CAMTA1: variants seen among roughly 807,000 people sequenced by gnomAD.
CAMTA1 encodes the protein calmodulin binding transcription activator 1.
A neutral mutation model predicts 170.9 loss-of-function variants in CAMTA1; 27 were observed. The observed-to-expected ratio is 0.16, with a 90% CI of 0.12 to 0.22. The LOEUF (loss-of-function observed/expected upper bound fraction) is 0.22. CAMTA1 is among the 10% of genes least tolerant of loss of function. The probability of loss-of-function intolerance (pLI) is 1.00; values close to 1 mark genes in which losing one functional copy is unlikely to be tolerated. For synonymous variants in CAMTA1, 833 were observed against 891.5 expected (o/e 0.93, Z 1.17); for missense variants, 1,619 against 2,217.2 (o/e 0.73, Z 5.42).
intron 11 of CAMTA1, among the ~76,000 whole-genome samples, chr1:7,705,030 G>A (rs2096495847): frequency 1.4e-5 from 2 of 147,630 alleles, no homozygotes; most frequent in Admixed American, 1.3e-4. Context: ...CGTGGTGCGC[G>A]GCCACGCGTG....
chr1:6,935,703 C>T (rs1035589044), intron 3 of CAMTA1, among the ~76,000 whole-genome samples: 5 of 152,170 alleles, frequency 3.3e-5, no homozygotes, highest in African/African-American at 7.2e-5. Flanking sequence ...TAAACTTTTC[C>T]GTGGTTTTCT....
At chr1:7,545,754 G>A (rs575114573) in intron 6 of CAMTA1, among the ~76,000 whole-genome samples, 47 of 152,098 alleles carry the variant, frequency 3.1e-4, no homozygotes, top group African/African-American at 1.1e-3. Flanking sequence ...GTAGACATGT[G>A]CCATGGTGGC....
chr1:7,133,664 A>G (rs1261705218), intron 4 of CAMTA1, among the ~76,000 whole-genome samples: 1 of 152,178 alleles, frequency 6.6e-6, no homozygotes, highest in Non-Finnish European at 1.5e-5. Flanking sequence ...CTCCCATCAT[A>G]GGTAGCAGCA....
chr1:6,862,120 G>A (rs1664944250), intron 3 of CAMTA1, among the ~76,000 whole-genome samples: 1 of 152,088 alleles, frequency 6.6e-6, no homozygotes, highest in Non-Finnish European at 1.5e-5. Flanking sequence ...CTGCCACAAT[G>A]CCTGGCTACT....
At chr1:7,493,258 C>A (rs775147650) in intron 6 of CAMTA1, among the ~76,000 whole-genome samples, 1 of 113,692 alleles carries the variant, frequency 8.8e-6, no homozygotes, top group Non-Finnish European at 1.8e-5. Flanking sequence ...CACAAACCTA[C>A]GTACACACGC....
chr1:6,886,724 A>C, intron 3 of CAMTA1, among the ~76,000 whole-genome samples: 1 of 152,250 alleles, frequency 6.6e-6, no homozygotes, highest in South Asian at 2.1e-4. Flanking sequence ...AGCTCATCCC[A>C]TGAAAACTCA....
intron 4 of CAMTA1, among the ~76,000 whole-genome samples, chr1:7,183,663 T>A (rs577802082): frequency 6.6e-6 from 1 of 152,274 alleles, no homozygotes; most frequent in East Asian, 1.9e-4. Flanking sequence ...GAGGATGGTT[T>A]CTATGAACTG....
At chr1:6,785,861 A>C (rs1639093752) in intron 1 of CAMTA1, among the ~76,000 whole-genome samples, 1 of 144,752 alleles carries the variant, frequency 6.9e-6, no homozygotes, top group Non-Finnish European at 1.5e-5. Flanking sequence ...GACCGGGCCC[A>C]GCGAGGAGGA....
intron 7 of CAMTA1, among the ~76,000 whole-genome samples, chr1:7,648,478 G>T (rs970453407): frequency 1.3e-5 from 2 of 152,166 alleles, no homozygotes; most frequent in Non-Finnish European, 2.9e-5. Flanking sequence ...AGTAAGGAGT[G>T]GGGGGATCAG....
intron 6 of CAMTA1, among the ~76,000 whole-genome samples, chr1:7,617,932 G>T (rs2095570741): frequency 6.6e-6 from 1 of 152,136 alleles, no homozygotes; most frequent in Admixed American, 6.5e-5. Context: ...AAAGCCTGCA[G>T]CCCAAGGCCT....
chr1:6,927,529 G>T (rs931478229), intron 3 of CAMTA1, among the ~76,000 whole-genome samples: 3 of 152,168 alleles, frequency 2.0e-5, no homozygotes, highest in African/African-American at 7.2e-5. Context: ...TGCCTATCAG[G>T]CACTGGACAA....
chr1:7,412,641 G>A (rs1254820114), intron 5 of CAMTA1, among the ~76,000 whole-genome samples: 1 of 152,126 alleles, frequency 6.6e-6, no homozygotes, highest in Non-Finnish European at 1.5e-5. Context: ...GTTCATTGTA[G>A]ATTCTGGTTA....
At chr1:7,049,042 C>T (rs1705867121) in intron 3 of CAMTA1, among the ~76,000 whole-genome samples, 1 of 152,158 alleles carries the variant, frequency 6.6e-6, no homozygotes, top group Admixed American at 6.5e-5. Context: ...CAAGTAGTTC[C>T]CTGATACGGT....
chr1:7,358,909 G>A (rs371310004), intron 5 of CAMTA1, among the ~76,000 whole-genome samples: 17 of 152,112 alleles, frequency 1.1e-4, no homozygotes, highest in Admixed American at 9.2e-4. Flanking sequence ...TGGGCAGCAA[G>A]GGTTGAGAAA....
At chr1:7,272,204 T>G (rs528068977) in intron 5 of CAMTA1, among the ~76,000 whole-genome samples, 5 of 152,212 alleles carry the variant, frequency 3.3e-5, no homozygotes, top group Non-Finnish European at 7.4e-5. Context: ...AGTTTAAGAC[T>G]TGTAAATGGA....
At chr1:7,339,655 T>G (rs1268159912) in intron 5 of CAMTA1, among the ~76,000 whole-genome samples, 6 of 152,172 alleles carry the variant, frequency 3.9e-5, no homozygotes, top group Non-Finnish European at 8.8e-5. Context: ...CAGGCTGGAG[T>G]GCAGTGGCGC....
At chr1:7,324,650 A>C (rs1679006251) in intron 5 of CAMTA1, among the ~76,000 whole-genome samples, 1 of 152,060 alleles carries the variant, frequency 6.6e-6, no homozygotes, top group Admixed American at 6.5e-5. Context: ...TCTACTAAAA[A>C]TACAAAAATT....
chr1:7,390,483 C>T (rs2088575923), intron 5 of CAMTA1, among the ~76,000 whole-genome samples: 1 of 152,192 alleles, frequency 6.6e-6, no homozygotes, highest in Admixed American at 6.5e-5. Flanking sequence ...CAGTGCACGG[C>T]CCAGGATTGG....
chr1:7,425,400 G>A (rs959484992), intron 5 of CAMTA1, among the ~76,000 whole-genome samples: 2 of 152,138 alleles, frequency 1.3e-5, no homozygotes, highest in East Asian at 3.9e-4. Context: ...AAGAGGCCCT[G>A]GCAGTCCCCT....
Sources: gnomAD v4.1 joint callset for allele counts (sites outside exome capture counted in the v4.1 genomes callset) on GRCh38, gnomAD v4.1.1 for gene constraint, MANE v1.5 for transcripts, NCBI Gene and HGNC (gene_info 2026-07-23, HGNC 2026-07-21) for gene names.